FAM3D: variants seen among roughly 807,000 people sequenced by gnomAD.
FAM3D encodes protein FAM3D.
In FAM3D, 26 loss-of-function variants were observed where a neutral mutation model predicts 29.8. That is an observed-to-expected ratio of 0.87 (90% CI 0.64 to 1.21). FAM3D has a LOEUF of 1.21. Among genes scored for constraint, FAM3D ranks in the 50% most tolerant of loss-of-function variants. The pLI, the probability that FAM3D is intolerant of heterozygous loss-of-function variation, is 0.00. For missense variants in FAM3D, 253 were observed against 290.9 expected (o/e 0.87, Z 0.95); for synonymous variants, 115 against 102.3 (o/e 1.12, Z -0.75).
In FAM3D at chr3:58,634,614, C is replaced by T. The variant is rs546439060; in HGVS notation, c.586-246G>A. 3.3e-5 allele frequency among the ~76,000 whole-genome samples: 5 copies of T among 152,190 alleles called. No homozygotes were observed. The South Asian group carries it at 8.3e-4, about 25-fold the overall frequency. ...CAGTTGTTGGAGAGATCTGGCCCCT[C>T]CCCACAAATTCTCTGTGTCCCTCTA... On this transcript the variant is annotated intron_variant, in intron 9 of 9. Coordinates refer to ENST00000358781, the MANE Select transcript of FAM3D (RefSeq NM_138805.3). This position sits in a 1 kb window ranked among gnomAD's most constrained non-coding sequence, Gnocchi z 4.6.
At chr3:58,640,316 G>A (rs1193454877) in intron 6 of FAM3D, 139 bp from the exon 7 acceptor site, 6 of 956,600 alleles carry the variant, frequency 6.3e-6, no homozygotes, top group Admixed American at 1.9e-5. Context: ...TAAAGAGCAC[G>A]CAGGACTAAA....
intron 5 of FAM3D, among the ~76,000 whole-genome samples, chr3:58,644,112 C>G (rs899799770): frequency 2.6e-5 from 4 of 152,188 alleles, no homozygotes; most frequent in Non-Finnish European, 5.9e-5. Context: ...GCCCGGCATC[C>G]ACACCCTTGT....
chr3:58,652,043 T>C (rs937304578), intron 3 of FAM3D, among the ~76,000 whole-genome samples: 1 of 152,206 alleles, frequency 6.6e-6, no homozygotes, highest in Non-Finnish European at 1.5e-5. Flanking sequence ...ATGTTTGTGA[T>C]GATGTCAATG....
chr3:58,658,429 T>C (rs1014243730), intron 1 of FAM3D, among the ~76,000 whole-genome samples: 12 of 152,072 alleles, frequency 7.9e-5, no homozygotes, highest in African/African-American at 7.2e-5. Flanking sequence ...CCTGGGAAGA[T>C]TGGGGGAGAT....
intron 1 of FAM3D, among the ~76,000 whole-genome samples, chr3:58,660,651 CCAA>C (rs1278191132): frequency 2.0e-5 from 3 of 152,102 alleles, no homozygotes. Context: ...CCAGCTCTGG[CCAA>C]TGGTAGAATT....
intron 1 of FAM3D, among the ~76,000 whole-genome samples, chr3:58,662,603 TAG>T (rs1377371507): frequency 3.3e-4 from 50 of 152,352 alleles, no homozygotes; most frequent in Admixed American, 1.4e-3. Flanking sequence ...GTCACATAAG[TAG>T]AATGACTTAT....
At position 58,635,209 on chromosome 3, in the gene FAM3D, A is replaced by G. The variant is rs148785675; in HGVS notation, c.586-841T>C. Among the ~76,000 whole-genome samples the G allele has an allele frequency of 0.012, 1,865 of 152,290 alleles. 50 individuals carry two copies. Among genetic ancestry groups the G allele is most frequent in the African/African-American group, 0.043 (1,771 of 41,536 alleles). ...TATATACTAGTAATAAGTATGTAAGAAGAATAAAATCACTTAGGATTGTGT... is the reference window on the plus strand; with the variant it reads ...TATATACTAGTAATAAGTATGTAAGGAGAATAAAATCACTTAGGATTGTGT... On this transcript the variant is annotated intron_variant, in intron 9 of 9. Transcript: ENST00000358781. The surrounding 1 kb of genome is among the most constrained non-coding windows in gnomAD (Gnocchi z 5.2).
chr3:58,638,733 C>G (rs1449985314), intron 7 of FAM3D, among the ~76,000 whole-genome samples: 1 of 152,176 alleles, frequency 6.6e-6, no homozygotes, highest in Non-Finnish European at 1.5e-5. Flanking sequence ...CCAGTGCGGA[C>G]CTCTAGGACC....
At chr3:58,662,208 C>T (rs1359788230) in intron 1 of FAM3D, among the ~76,000 whole-genome samples, 1 of 152,218 alleles carries the variant, frequency 6.6e-6, no homozygotes, top group East Asian at 1.9e-4. Context: ...ATTGGAATCA[C>T]TTCAGCAGGC....
intron 3 of FAM3D, among the ~76,000 whole-genome samples, chr3:58,651,407 T>C (rs1001582860): frequency 7.9e-5 from 12 of 152,244 alleles, no homozygotes; most frequent in Non-Finnish European, 1.6e-4. Context: ...ACTGGCCATC[T>C]TTCCCACTGG....
intron 5 of FAM3D, among the ~76,000 whole-genome samples, chr3:58,644,203 G>T (rs2066415474): frequency 6.6e-6 from 1 of 152,182 alleles, no homozygotes; most frequent in African/African-American, 2.4e-5. Context: ...TCTCCCAGGT[G>T]TGGACAAGCA....
At chr3:58,655,522 A>G (rs1381864561) in intron 2 of FAM3D, 29 bp downstream of exon 2, 14 of 1,613,312 alleles carry the variant, frequency 8.7e-6, no homozygotes, top group Non-Finnish European at 1.1e-5. Context: ...TGACAGAAAA[A>G]TGACTCCAAA....
At chr3:58,655,841 T>C (rs986298875) in intron 1 of FAM3D, among the ~76,000 whole-genome samples, 1 of 152,190 alleles carries the variant, frequency 6.6e-6, no homozygotes, top group African/African-American at 2.4e-5. Flanking sequence ...AGTGCAGAGA[T>C]TAGAAAGTAG....
intron 7 of FAM3D, among the ~76,000 whole-genome samples, chr3:58,639,295 G>T: frequency 6.6e-6 from 1 of 152,136 alleles, no homozygotes; most frequent in East Asian, 1.9e-4. Context: ...ATTATTTCAG[G>T]TTATCTAATC....
chr3:58,645,637 A>C lies in FAM3D; in HGVS notation c.146-11T>G. ...TGTACTTTTTAACCTCTGGGGAGGA[A>C]AGAGACCAGCCTTGGTGGGCAGAAG... On this transcript the variant is annotated splice_polypyrimidine_tract_variant and intron_variant, in intron 4 of 9. Coordinates refer to ENST00000358781, the MANE Select transcript of FAM3D (RefSeq NM_138805.3). 6.2e-7 allele frequency: 1 copy of C among 1,611,500 alleles called. No individual in the cohort carries two copies. Among genetic ancestry groups the C allele is most frequent in the Non-Finnish European group, 8.5e-7 (1 of 1,177,686 alleles).
intron 1 of FAM3D, among the ~76,000 whole-genome samples, chr3:58,659,156 G>C (rs1186023868): frequency 6.6e-6 from 1 of 152,210 alleles, no homozygotes; most frequent in East Asian, 1.9e-4. Context: ...GAGGCCACCT[G>C]TCTGGAAGGG....
In FAM3D at chr3:58,634,161, C is replaced by T; in HGVS notation, c.*118G>A. The stretch of plus-strand genomic sequence containing the variant: ...GAGGCGCGACACAGCGTGCAAGGAC[C>T]TGCAGCACCTTCCACGCAGCACCCC... On this transcript the variant is annotated 3_prime_UTR_variant, in exon 10 of 10. Transcript: ENST00000358781. This position sits in a 1 kb window ranked among gnomAD's most constrained non-coding sequence, Gnocchi z 4.6. 1.2e-6 allele frequency: 1 copy of T among 866,940 alleles called. No homozygotes were observed. The highest frequency in any genetic ancestry group is 1.8e-6 in the Non-Finnish European group (1 of 550,190). 53.7% of individuals were successfully genotyped at this position (866,940 alleles called of 1,614,324 possible). A position where few individuals can be genotyped will look rare whatever the true frequency, so the allele number is the denominator to read the frequency against.
At chr3:58,659,051 G>T (rs2066881196) in intron 1 of FAM3D, among the ~76,000 whole-genome samples, 1 of 152,216 alleles carries the variant, frequency 6.6e-6, no homozygotes, top group Non-Finnish European at 1.5e-5. Context: ...CTTACTAGTT[G>T]TGTGTTTTTC....
In FAM3D at chr3:58,646,601, TG is replaced by T. The variant is rs1416112901; in HGVS notation, c.146-976del. Among the ~76,000 whole-genome samples the T allele has an allele frequency of 3.9e-5, 6 of 152,314 alleles. No individual in the cohort carries two copies. The South Asian group carries it at 8.3e-4, about 21-fold the overall frequency. On this transcript the variant is annotated intron_variant, in intron 4 of 9. Transcript: ENST00000358781. Reference sequence around the variant, plus strand: ...AGCATTAAGGAGGACTGGGTAAACATGGATTTGGAGAATGCTCATCTGCAAA... The same window carrying T: ...AGCATTAAGGAGGACTGGGTAAACATGATTTGGAGAATGCTCATCTGCAAA...
Sources: allele counts gnomAD v4.1 joint callset (sites outside exome capture counted in the v4.1 genomes callset), GRCh38; gene constraint gnomAD v4.1.1; non-coding constraint Gnocchi (gnomAD v3.1); transcripts MANE v1.5; gene names NCBI Gene and HGNC (gene_info 2026-07-23, HGNC 2026-07-21).